Variants in MAF observed in about 807,000 individuals in gnomAD.
MAF encodes the protein transcription factor Maf.
Under a neutral mutation model 22.0 loss-of-function variants are expected in MAF, and 10 were observed. The ratio of observed to expected loss-of-function variants is 0.45; its 90% CI spans 0.28 to 0.77. The LOEUF is 0.77. MAF is among the 30% of genes least tolerant of loss of function. The pLI is 0.12. For missense variants in MAF, 544 were observed against 548.4 expected (o/e 0.99, Z 0.08); for synonymous variants, 337 against 255.8 (o/e 1.32, Z -3.03).
chr16:79,557,445 T>A, the MAF span, among the ~76,000 whole-genome samples: 2 of 152,026 alleles, frequency 1.3e-5, no homozygotes, highest in South Asian at 2.1e-4. Context: ...GATCCCCCAA[T>A]AGAGTCAGCC....
chr16:79,565,549 G>A, the MAF span, among the ~76,000 whole-genome samples: 9 of 152,036 alleles, frequency 5.9e-5, no homozygotes, highest in African/African-American at 1.7e-4. Context: ...CATGGGGGTG[G>A]TTACCTCCAT....
At chr16:79,417,970 A>G in the MAF span, among the ~76,000 whole-genome samples, 1 of 152,102 alleles carries the variant, frequency 6.6e-6, no homozygotes, top group African/African-American at 2.4e-5. Flanking sequence ...CGACTGGCCT[A>G]TGTGTGAGTG....
the MAF span, among the ~76,000 whole-genome samples, chr16:79,416,887 A>G: frequency 6.6e-6 from 1 of 152,188 alleles, no homozygotes; most frequent in Non-Finnish European, 1.5e-5. Flanking sequence ...GATGGTAGAC[A>G]GCCTTTTGTT....
chr16:79,444,045 G>C, the MAF span, among the ~76,000 whole-genome samples: 1 of 152,090 alleles, frequency 6.6e-6, no homozygotes, highest in Non-Finnish European at 1.5e-5. Context: ...TGTGTGTGAA[G>C]AAGTGTTAGT....
the MAF span, among the ~76,000 whole-genome samples, chr16:79,247,450 C>A: frequency 6.6e-6 from 1 of 152,198 alleles, no homozygotes; most frequent in African/African-American, 2.4e-5. Context: ...TTGCTTCCCC[C>A]TCACCAGCTC....
chr16:79,373,313 AATTCATCT>A, the MAF span, among the ~76,000 whole-genome samples: 3 of 139,976 alleles, frequency 2.1e-5, no homozygotes, highest in East Asian at 6.5e-4. Flanking sequence ...TAAATGAATT[AATTCATCT>A]ATGGGTTAAT....
the MAF span, among the ~76,000 whole-genome samples, chr16:79,331,756 C>T: frequency 6.6e-6 from 1 of 152,096 alleles, no homozygotes; most frequent in African/African-American, 2.4e-5. Context: ...CCTTTCTGCC[C>T]CCATCTCCTG....
the MAF span, among the ~76,000 whole-genome samples, chr16:79,451,952 T>C: frequency 6.6e-6 from 1 of 152,328 alleles, no homozygotes; most frequent in Admixed American, 6.5e-5. Flanking sequence ...GTGCTTTGCA[T>C]GCATTACTTT....
At chr16:79,465,118 T>G in the MAF span, among the ~76,000 whole-genome samples, 7 of 152,152 alleles carry the variant, frequency 4.6e-5, no homozygotes, top group Admixed American at 2.6e-4. Context: ...TTAAGAATAG[T>G]TGTCCCTGGG....
the MAF span, among the ~76,000 whole-genome samples, chr16:79,416,022 T>A: frequency 3.3e-5 from 5 of 152,122 alleles, no homozygotes; most frequent in African/African-American, 1.2e-4. Flanking sequence ...CAAAGTGCCG[T>A]GTGTCTGGTT....
chr16:79,441,437 G>A, the MAF span, among the ~76,000 whole-genome samples: 1 of 152,166 alleles, frequency 6.6e-6, no homozygotes, highest in Non-Finnish European at 1.5e-5. Context: ...CACCTCCCAA[G>A]GCAACCACTC....
the MAF span, among the ~76,000 whole-genome samples, chr16:79,547,013 G>T: frequency 6.6e-6 from 1 of 152,184 alleles, no homozygotes; most frequent in Non-Finnish European, 1.5e-5. Context: ...TCACCTCTGT[G>T]TTGGTAAGTG....
chr16:79,393,402 G>A, the MAF span, among the ~76,000 whole-genome samples: 5 of 152,338 alleles, frequency 3.3e-5, no homozygotes, highest in African/African-American at 9.6e-5. Context: ...AAAGTTTGCA[G>A]AGGTTGGGCT....
the MAF span, among the ~76,000 whole-genome samples, chr16:79,388,492 T>C: frequency 6.6e-6 from 1 of 152,220 alleles, no homozygotes. Context: ...TTCTTTGCTA[T>C]TTTCTTTCTC....
At chr16:79,544,110 TGG>T in the MAF span, among the ~76,000 whole-genome samples, 1 of 151,912 alleles carries the variant, frequency 6.6e-6, no homozygotes, top group East Asian at 1.9e-4. Flanking sequence ...CCCCAACAAG[TGG>T]TATGATATGG....
chr16:79,442,475 G>A, the MAF span, among the ~76,000 whole-genome samples: 6 of 152,090 alleles, frequency 3.9e-5, no homozygotes, highest in East Asian at 5.8e-4. Flanking sequence ...GGGCTCAAGC[G>A]ATCCTCCCAC....
the MAF span, among the ~76,000 whole-genome samples, chr16:79,229,608 T>G: frequency 6.6e-6 from 1 of 151,850 alleles, no homozygotes; most frequent in African/African-American, 2.4e-5. Context: ...CATCCATCTG[T>G]GGACAGGGGC....
chr16:79,588,672 G>A (rs1913007459), intron 1 of MAF, among the ~76,000 whole-genome samples: 1 of 152,008 alleles, frequency 6.6e-6, no homozygotes, highest in Non-Finnish European at 1.5e-5. Context: ...AGGTTGGCCA[G>A]GCTGGTCTCA....
At chr16:79,388,039 C>T in the MAF span, among the ~76,000 whole-genome samples, 1 of 152,162 alleles carries the variant, frequency 6.6e-6, no homozygotes, top group Non-Finnish European at 1.5e-5. Context: ...TCAAAACTTC[C>T]ACTGAGTTTT....
Sources: gnomAD v4.1 joint callset for allele counts (sites outside exome capture counted in the v4.1 genomes callset) on GRCh38, gnomAD v4.1.1 for gene constraint, MANE v1.5 for transcripts, NCBI Gene and HGNC (gene_info 2026-07-23, HGNC 2026-07-21) for gene names.